The following DAB1 variants were observed in gnomAD, a reference collection of about 807,000 sequenced individuals.
DAB1 encodes disabled homolog 1.
In DAB1, 15 loss-of-function variants were observed where a neutral mutation model predicts 64.6. The observed-to-expected ratio is 0.23, with a 90% CI of 0.16 to 0.36. The LOEUF (loss-of-function observed/expected upper bound fraction) is 0.36. Ranked by LOEUF, DAB1 falls within the 10% of genes least tolerant of loss-of-function variation. The pLI is 1.00. For synonymous variants in DAB1, 235 were observed against 251.9 expected (o/e 0.93, Z 0.64); for missense variants, 596 against 706.7 (o/e 0.84, Z 1.78).
At chr1:57,881,287 AT>A (rs1035892578) in intron 1 of DAB1, among the ~76,000 whole-genome samples, 18 of 152,186 alleles carry the variant, frequency 1.2e-4, no homozygotes, top group Non-Finnish European at 2.2e-4. Context: ...GCACAACAAT[AT>A]TCACTGTTTC....
chr1:57,039,691 A>C (rs1183806286), intron 9 of DAB1, among the ~76,000 whole-genome samples: 2 of 152,108 alleles, frequency 1.3e-5, no homozygotes, highest in African/African-American at 4.8e-5. Flanking sequence ...TTGTAACTCC[A>C]TGTTTTGATG....
chr1:57,072,719 G>C (rs1380338092), intron 4 of DAB1, among the ~76,000 whole-genome samples: 1 of 152,172 alleles, frequency 6.6e-6, no homozygotes, highest in Non-Finnish European at 1.5e-5. Context: ...GCTTCTGTTT[G>C]ATCGTTTTAC....
At chr1:57,883,325 A>C (rs553672385) in intron 1 of DAB1, among the ~76,000 whole-genome samples, 5 of 152,218 alleles carry the variant, frequency 3.3e-5, no homozygotes, top group Non-Finnish European at 7.3e-5. Flanking sequence ...CCAGCTTTCA[A>C]CTGAGGGTGA....
chr1:57,557,736 C>G (rs180929104), intron 7 of DAB1, among the ~76,000 whole-genome samples: 1 of 152,050 alleles, frequency 6.6e-6, no homozygotes, highest in Admixed American at 6.6e-5. Context: ...CCTGATTCAT[C>G]GTTGGTGAGG....
chr1:58,174,936 T>C (rs1482811693), intron 4 of DAB1, among the ~76,000 whole-genome samples: 2 of 152,178 alleles, frequency 1.3e-5, no homozygotes, highest in African/African-American at 4.8e-5. Flanking sequence ...CAGCACTCTG[T>C]GTCTAGCTAA....
intron 3 of DAB1, among the ~76,000 whole-genome samples, chr1:58,490,015 A>G (rs1192176398): frequency 2.0e-5 from 3 of 152,230 alleles, no homozygotes; most frequent in Non-Finnish European, 2.9e-5. Flanking sequence ...AAAAACTGAA[A>G]ATTCTAAAAA....
At chr1:57,354,105 T>C (rs1038404252) in intron 1 of DAB1, among the ~76,000 whole-genome samples, 2 of 152,242 alleles carry the variant, frequency 1.3e-5, no homozygotes, top group African/African-American at 4.8e-5. Context: ...GTGACATTTT[T>C]TCACTCTGTT....
intron 6 of DAB1, among the ~76,000 whole-genome samples, chr1:57,699,452 T>C (rs1019083672): frequency 7.9e-5 from 12 of 152,298 alleles, no homozygotes; most frequent in African/African-American, 2.9e-4. Context: ...CACATACAGC[T>C]AGTGAATATA....
At chr1:58,410,795 G>A (rs1644660230) in intron 3 of DAB1, among the ~76,000 whole-genome samples, 2 of 152,172 alleles carry the variant, frequency 1.3e-5, no homozygotes, top group South Asian at 4.1e-4. Flanking sequence ...TCTTAGTAAT[G>A]ATGGAGGAGA....
At chr1:57,941,657 A>G (rs917851144) in intron 5 of DAB1, among the ~76,000 whole-genome samples, 4 of 152,206 alleles carry the variant, frequency 2.6e-5, no homozygotes, top group African/African-American at 9.7e-5. Context: ...TAACATGGTG[A>G]AACCCCATCT....
intron 4 of DAB1, among the ~76,000 whole-genome samples, chr1:57,121,183 GAAAGAGAAGAAGGAGAAGGAGA>G (rs1656621367): frequency 6.6e-6 from 1 of 150,540 alleles, no homozygotes; most frequent in Admixed American, 6.7e-5. Flanking sequence ...AGAAGGAGAA[GAAAGAGAAGAAGGAGAAGGAGA>G]AGAAGGAGAA....
chr1:58,199,578 C>T (rs1657887642), intron 4 of DAB1, among the ~76,000 whole-genome samples: 1 of 152,008 alleles, frequency 6.6e-6, no homozygotes, highest in South Asian at 2.1e-4. Context: ...CAGAACAGTA[C>T]CTGACATGTC....
At chr1:58,426,472 A>G (rs138704419) in intron 3 of DAB1, among the ~76,000 whole-genome samples, 1 of 152,276 alleles carries the variant, frequency 6.6e-6, no homozygotes, top group East Asian at 1.9e-4. Flanking sequence ...GGCTCATGCA[A>G]TTTTGGAGCT....
intron 1 of DAB1, among the ~76,000 whole-genome samples, chr1:57,356,635 G>T (rs762804362): frequency 6.6e-6 from 1 of 151,912 alleles, no homozygotes; most frequent in Non-Finnish European, 1.5e-5. Context: ...TCTAAGTATT[G>T]CAACAAACTC....
At chr1:57,690,991 ATTGAAT>A (rs1355838515) in intron 6 of DAB1, among the ~76,000 whole-genome samples, 12 of 152,146 alleles carry the variant, frequency 7.9e-5, no homozygotes, top group African/African-American at 2.9e-4. Context: ...AAATGGGATC[ATTGAAT>A]TTTTTTCCTA....
chr1:57,027,298 G>T lies in DAB1; in HGVS notation c.724-1255C>A, dbSNP rs544290629. 2.0e-5 allele frequency among the ~76,000 whole-genome samples: 3 copies of T among 152,280 alleles called. No individual in the cohort carries two copies. The East Asian group carries it at 5.8e-4, about 29-fold the overall frequency. On this transcript the variant is annotated intron_variant, in intron 9 of 14. Coordinates refer to ENST00000371236, the MANE Select transcript of DAB1 (RefSeq NM_001365792.1). ...AGATGGGGAAGAACAAGGAATAATT[G>T]TTCTGAGGGATGGTTAATCACAAAC...
At chr1:57,007,553 G>C (rs1258454971) in intron 14 of DAB1, among the ~76,000 whole-genome samples, 2 of 152,156 alleles carry the variant, frequency 1.3e-5, no homozygotes, top group African/African-American at 4.8e-5. Context: ...TTCCTTTATT[G>C]CTAAAACAGC....
At chr1:57,981,795 A>C (rs1335980653) in intron 5 of DAB1, among the ~76,000 whole-genome samples, 3 of 152,228 alleles carry the variant, frequency 2.0e-5, no homozygotes, top group Non-Finnish European at 4.4e-5. Context: ...CATTGTCTCC[A>C]TTATTGCACA....
chr1:58,464,118 C>T (rs1371846852), intron 3 of DAB1, among the ~76,000 whole-genome samples: 1 of 152,216 alleles, frequency 6.6e-6, no homozygotes, highest in South Asian at 2.1e-4. Flanking sequence ...AAGCAAAGTG[C>T]TCTGGCCACC....
Sources: gnomAD v4.1 joint callset for allele counts (sites outside exome capture counted in the v4.1 genomes callset) on GRCh38, gnomAD v4.1.1 for gene constraint, MANE v1.5 for transcripts, NCBI Gene and HGNC (gene_info 2026-07-23, HGNC 2026-07-21) for gene names.